HOOK3: variants seen among roughly 807,000 people sequenced by gnomAD.
HOOK3 encodes the protein protein Hook homolog 3.
Under a neutral mutation model 116.3 loss-of-function variants are expected in HOOK3, and 24 were observed. The ratio of observed to expected loss-of-function variants is 0.21; its 90% CI spans 0.15 to 0.29. The LOEUF is 0.29. Among genes scored for constraint, HOOK3 ranks in the 10% least tolerant of loss-of-function variants. The pLI is 1.00. For missense variants in HOOK3, 632 were observed against 830.2 expected, an observed-to-expected ratio of 0.76 and a Z score of 2.93; for synonymous variants, 275 against 283.0, an observed-to-expected ratio of 0.97 and a Z score of 0.28.
intron 1 of HOOK3, among the ~76,000 whole-genome samples, chr8:42,905,506 C>T (rs1051235026): frequency 1.6e-4 from 25 of 152,106 alleles, no homozygotes; most frequent in Middle Eastern, 3.4e-3. Flanking sequence ...GAAGCATCTC[C>T]TTATCTCTCT....
In HOOK3 at chr8:43,022,180, G is replaced by A. The variant is rs144215130; in HGVS notation, c.*3682G>A. ...TAACGGTGGCAACTCCATGTCCGGT[G>A]TCCAGCTTTGGACAGGGTTTATGAC... On this transcript the variant is annotated 3_prime_UTR_variant, in exon 22 of 22. Coordinates refer to ENST00000307602, the MANE Select transcript of HOOK3 (RefSeq NM_032410.4). 1.5e-3 allele frequency: 324 copies of A among 209,410 alleles called. No individual in the cohort carries two copies. Among genetic ancestry groups the A allele is most frequent in the African/African-American group, 6.7e-3 (296 of 43,918 alleles). 13.0% of individuals were successfully genotyped at this position (209,410 alleles called of 1,614,324 possible). A position where few individuals can be genotyped will look rare whatever the true frequency, so the allele number is the denominator to read the frequency against.
In HOOK3 at chr8:43,029,978, A is replaced by G. The variant is rs1810000278; in HGVS notation, c.*11480A>G. 1 of 213,692 alleles carries G rather than the reference A, an allele frequency of 4.7e-6. No homozygotes were observed. Among genetic ancestry groups the G allele is most frequent in the African/African-American group, 2.3e-5 (1 of 44,234 alleles). The allele number at this position is 213,692 out of a possible 1,614,324, so 13.2% of individuals were successfully genotyped here. On this transcript the variant is annotated 3_prime_UTR_variant, in exon 22 of 22. Coordinates refer to ENST00000307602, the MANE Select transcript of HOOK3 (RefSeq NM_032410.4). ...ATTGCTAGGTATATTCTTATTTCTG[A>G]TTGAGTATTGAATTTACATTTTTCA...
At chr8:42,988,169 C>T (rs1424595045) in intron 15 of HOOK3, among the ~76,000 whole-genome samples, 53 of 152,132 alleles carry the variant, frequency 3.5e-4, no homozygotes, top group Admixed American at 3.5e-3. Context: ...TACATCAACT[C>T]TGAGGAGTCT....
intron 11 of HOOK3, 110 bp from the exon 12 acceptor site, chr8:42,973,179 A>G: frequency 2.5e-6 from 3 of 1,204,628 alleles, no homozygotes; most frequent in Non-Finnish European, 3.4e-6. Context: ...GATCATATGC[A>G]TTTGAGTACT....
rs1242539847 is a variant in HOOK3, at chr8:43,029,766, T to G, written c.*11268T>G. On this transcript the variant is annotated 3_prime_UTR_variant, in exon 22 of 22. Coordinates refer to ENST00000307602, the MANE Select transcript of HOOK3 (RefSeq NM_032410.4). Reference sequence around the variant, plus strand: ...GCTTTTTTTTCCCCCTGTAGTATTTTTAAAACTTTTTAGATGAGCTGGATG... The same window carrying G: ...GCTTTTTTTTCCCCCTGTAGTATTTGTAAAACTTTTTAGATGAGCTGGATG... 1 of 204,056 alleles carries G rather than the reference T, an allele frequency of 4.9e-6. No individual in the cohort carries two copies. Among genetic ancestry groups the G allele is most frequent in the Non-Finnish European group, 1.0e-5 (1 of 99,694 alleles). 12.6% of individuals were successfully genotyped at this position (204,056 alleles called of 1,614,324 possible).
At chr8:42,945,937 A>G (rs1034772219) in intron 5 of HOOK3, among the ~76,000 whole-genome samples, 11 of 152,100 alleles carry the variant, frequency 7.2e-5, no homozygotes, top group African/African-American at 2.4e-4. Context: ...TATCTTTTTT[A>G]TAGTTCTTCC....
chr8:42,925,448 A>G, intron 2 of HOOK3, 109 bp from the exon 3 acceptor site: 1 of 719,794 alleles, frequency 1.4e-6, no homozygotes. Context: ...TATGTGTCAA[A>G]TACATTTTTA....
intron 13 of HOOK3, among the ~76,000 whole-genome samples, chr8:42,975,846 C>A (rs1292121309): frequency 6.6e-6 from 1 of 152,122 alleles, no homozygotes; most frequent in East Asian, 1.9e-4. Flanking sequence ...GCTGGGACTA[C>A]AGGGGTGTGC....
intron 4 of HOOK3, among the ~76,000 whole-genome samples, chr8:42,938,217 C>CTT (rs145868661): frequency 3.3e-4 from 43 of 132,304 alleles, no homozygotes; most frequent in African/African-American, 1.0e-3. Flanking sequence ...GCAACCCCTG[C>CTT]TTTTTTTTTT....
intron 21 of HOOK3, among the ~76,000 whole-genome samples, chr8:43,017,451 AG>A (rs761313079): frequency 1.1e-4 from 17 of 151,782 alleles, no homozygotes; most frequent in Non-Finnish European, 2.4e-4. Context: ...TATTTTAGAG[AG>A]GGGGTTTCTT....
intron 4 of HOOK3, among the ~76,000 whole-genome samples, chr8:42,939,418 G>A (rs1167594323): frequency 8.2e-5 from 12 of 147,234 alleles, no homozygotes; most frequent in African/African-American, 2.5e-4. Flanking sequence ...CCTCCCTCCC[G>A]GATGGGGCAG....
intron 4 of HOOK3, among the ~76,000 whole-genome samples, chr8:42,941,801 C>G (rs1383669707): frequency 6.6e-6 from 1 of 152,082 alleles, no homozygotes; most frequent in East Asian, 1.9e-4. Flanking sequence ...GGGAAGGACC[C>G]TACTGTTTTT....
chr8:42,999,528 A>C (rs12114248), intron 16 of HOOK3, among the ~76,000 whole-genome samples: 3,135 of 152,262 alleles, frequency 0.021, 109 homozygotes, highest in African/African-American at 0.071. Context: ...CTCTTTCTCT[A>C]ACTTAAAGTG....
intron 12 of HOOK3, among the ~76,000 whole-genome samples, chr8:42,973,732 C>T (rs1808767925): frequency 6.6e-6 from 1 of 152,032 alleles, no homozygotes; most frequent in Non-Finnish European, 1.5e-5. Flanking sequence ...TTTTGTTGTT[C>T]AGCATATTTC....
chr8:42,939,855 G>T (rs1298103212), intron 4 of HOOK3, among the ~76,000 whole-genome samples: 1 of 149,718 alleles, frequency 6.7e-6, no homozygotes, highest in Admixed American at 6.6e-5. Context: ...GGGCGGCAGG[G>T]CAGAGGCGCT....
intron 6 of HOOK3, among the ~76,000 whole-genome samples, chr8:42,953,793 C>T (rs1441468638): frequency 6.6e-6 from 1 of 152,018 alleles, no homozygotes; most frequent in Non-Finnish European, 1.5e-5. Context: ...GGAAAATTCA[C>T]TACAATCCTG....
At chr8:42,959,388 TC>T in intron 8 of HOOK3, 74 bp downstream of exon 8, 8 of 991,358 alleles carry the variant, frequency 8.1e-6, no homozygotes, top group Non-Finnish European at 1.3e-5. Flanking sequence ...CTGTGTACTG[TC>T]ATACAGTACA....
At chr8:42,924,052 AT>A (rs1273892957) in intron 2 of HOOK3, among the ~76,000 whole-genome samples, 1 of 152,096 alleles carries the variant, frequency 6.6e-6, no homozygotes, top group African/African-American at 2.4e-5. Flanking sequence ...CTGATTGTGT[AT>A]TTATCAGTAT....
At chr8:43,016,405 C>T (rs1422693881) in intron 21 of HOOK3, among the ~76,000 whole-genome samples, 1 of 152,180 alleles carries the variant, frequency 6.6e-6, no homozygotes, top group Non-Finnish European at 1.5e-5. Flanking sequence ...CAGGCATGAG[C>T]CACCGCGCCC....
Sources: allele counts gnomAD v4.1 joint callset (sites outside exome capture counted in the v4.1 genomes callset), GRCh38; gene constraint gnomAD v4.1.1; transcripts MANE v1.5; gene names NCBI Gene and HGNC (gene_info 2026-07-23, HGNC 2026-07-21).